The following ASCC3 variants were observed in gnomAD, a reference collection of about 807,000 sequenced individuals.
ASCC3 encodes ASC-1 complex subunit P200.
A neutral mutation model predicts 256.3 loss-of-function variants in ASCC3; 158 were observed. The ratio of observed to expected loss-of-function variants is 0.62; its 90% CI spans 0.54 to 0.70. The LOEUF (loss-of-function observed/expected upper bound fraction) is 0.70. ASCC3 is among the 30% of genes least tolerant of loss of function. The pLI is 0.00. For missense variants in ASCC3, 2,259 were observed against 2,626.0 expected, an observed-to-expected ratio of 0.86 and a Z score of 3.05; for synonymous variants, 948 against 883.4, an observed-to-expected ratio of 1.07 and a Z score of -1.30.
At chr6:100,581,267 T>C (rs1411433556) in intron 36 of ASCC3, among the ~76,000 whole-genome samples, 2 of 152,088 alleles carry the variant, frequency 1.3e-5, no homozygotes, top group African/African-American at 2.4e-5. Context: ...TTTTAATGAT[T>C]GCCATTCTAA....
intron 3 of ASCC3, among the ~76,000 whole-genome samples, chr6:100,851,101 T>C (rs1311849253): frequency 6.6e-6 from 1 of 152,108 alleles, no homozygotes; most frequent in Non-Finnish European, 1.5e-5. Context: ...TATCTCCATT[T>C]TATAGATGTT....
At position 100,872,690 on chromosome 6, in the gene ASCC3, C is replaced by A. The variant is rs115351849; in HGVS notation, c.-41-4652G>T. ...GTGCTGGTATCCATGACTGAGAGAC[C>A]CACAGACGGTTCACATCACAGGTCT... is the stretch of plus-strand genomic sequence containing the variant. On this transcript the variant is annotated intron_variant, in intron 1 of 41. Coordinates refer to ENST00000369162, the MANE Select transcript of ASCC3 (RefSeq NM_006828.4). Among the ~76,000 whole-genome samples, 605 of 152,216 alleles carry A rather than the reference C, an allele frequency of 4.0e-3. 5 individuals are homozygous for A. Among genetic ancestry groups the A allele is most frequent in the African/African-American group, 0.014 (579 of 41,514 alleles).
rs1312578054 is a variant in ASCC3, at chr6:100,800,409, A to G, written c.1018T>C (p.Tyr340His). ...SEQEKQLMKQ[Y>H]RREEKRIARR... The stretch of plus-strand genomic sequence containing the variant: ...GCAATTCTTTTTTCTTCACGTCGAT[A>G]TTGTTTCATTAACTGCTTTTCTTGT... The change falls in exon 6 of 42, where the codon TAT becomes CAT. Residue 340 changes from tyrosine to histidine, a missense_variant. Physicochemically the swap from Tyr to His is moderately conservative, Grantham distance 83. Coordinates refer to ENST00000369162, the MANE Select transcript of ASCC3 (RefSeq NM_006828.4). 2 of 1,612,574 alleles carry G rather than the reference A, an allele frequency of 1.2e-6. No homozygotes were observed. Among genetic ancestry groups the G allele is most frequent in the East Asian group, 2.2e-5 (1 of 44,780 alleles).
At chr6:100,813,098 GA>G (rs1490404158) in intron 4 of ASCC3, among the ~76,000 whole-genome samples, 37 of 152,062 alleles carry the variant, frequency 2.4e-4, no homozygotes, top group African/African-American at 8.9e-4. Context: ...AAAAAATTTT[GA>G]AAAAACAATA....
At chr6:100,562,590 C>T (rs547860261) in intron 36 of ASCC3, among the ~76,000 whole-genome samples, 2 of 151,948 alleles carry the variant, frequency 1.3e-5, no homozygotes, top group East Asian at 1.9e-4. Context: ...CTTTCAAGAA[C>T]GTAAGTTTAT....
At chr6:100,610,494 G>T (rs1476966898) in intron 30 of ASCC3, among the ~76,000 whole-genome samples, 1 of 151,546 alleles carries the variant, frequency 6.6e-6, no homozygotes, top group Non-Finnish European at 1.5e-5. Context: ...CCATAAAATA[G>T]GACAATAAAG....
At chr6:100,663,348 C>T (rs1776316727) in intron 14 of ASCC3, among the ~76,000 whole-genome samples, 1 of 152,066 alleles carries the variant, frequency 6.6e-6, no homozygotes, top group East Asian at 1.9e-4. Flanking sequence ...TTTTAAGTTA[C>T]ATGCTCTTCT....
At chr6:100,592,214 T>C (rs1409659027) in intron 34 of ASCC3, among the ~76,000 whole-genome samples, 1 of 151,682 alleles carries the variant, frequency 6.6e-6, no homozygotes, top group African/African-American at 2.4e-5. Context: ...CACTAAAATA[T>C]TATTCATAAT....
intron 36 of ASCC3, among the ~76,000 whole-genome samples, chr6:100,580,353 C>T (rs1771150965): frequency 6.6e-6 from 1 of 151,520 alleles, no homozygotes; most frequent in Admixed American, 6.6e-5. Flanking sequence ...AAGAAGGTAC[C>T]ATCAGTTAGG....
intron 25 of ASCC3, among the ~76,000 whole-genome samples, chr6:100,632,061 C>T (rs748504548): frequency 6.7e-6 from 1 of 148,780 alleles, no homozygotes; most frequent in Non-Finnish European, 1.5e-5. Context: ...AAATTAAGAA[C>T]AAGAAAACTC....
chr6:100,637,549 A>G (rs1175699362), intron 25 of ASCC3, among the ~76,000 whole-genome samples: 1 of 152,142 alleles, frequency 6.6e-6, no homozygotes, highest in Non-Finnish European at 1.5e-5. Context: ...ATGTTTCATA[A>G]GACCGTAGAT....
chr6:100,824,505 T>C (rs766744759), intron 4 of ASCC3, among the ~76,000 whole-genome samples: 3 of 152,244 alleles, frequency 2.0e-5, no homozygotes, highest in Non-Finnish European at 4.4e-5. Flanking sequence ...GACATCCTTA[T>C]CGCTTCTCAG....
At chr6:100,624,827 T>C (rs1774147432) in intron 30 of ASCC3, among the ~76,000 whole-genome samples, 1 of 151,880 alleles carries the variant, frequency 6.6e-6, no homozygotes, top group Non-Finnish European at 1.5e-5. Context: ...AGGTTTTAAA[T>C]TTTTATATAT....
Position 100,803,480 on chromosome 6 carries a change from C to T in ASCC3, c.922+2280G>A, listed in dbSNP as rs75863332. 0.013 allele frequency among the ~76,000 whole-genome samples: 1,933 copies of T among 152,212 alleles called. 99 individuals carry two copies. The East Asian group carries it at 0.15, about 12-fold the overall frequency. ...TCACCTTCTGCCAAGTTGCCTGAGG[C>T]CTCCAGCCATGTGGAACTGTGAGCC... On this transcript the variant is annotated intron_variant, in intron 5 of 41. Coordinates refer to ENST00000369162, the MANE Select transcript of ASCC3 (RefSeq NM_006828.4).
chr6:100,696,622 C>T (rs541107306), intron 13 of ASCC3, among the ~76,000 whole-genome samples: 1 of 151,916 alleles, frequency 6.6e-6, no homozygotes, highest in East Asian at 1.9e-4. Context: ...GTAAAATACT[C>T]CCAATGGATG....
At chr6:100,676,900 T>C (rs1777050254) in intron 14 of ASCC3, among the ~76,000 whole-genome samples, 2 of 152,188 alleles carry the variant, frequency 1.3e-5, no homozygotes, top group South Asian at 4.1e-4. Flanking sequence ...ATTGAGGTGA[T>C]TACATTAAAC....
intron 36 of ASCC3, among the ~76,000 whole-genome samples, chr6:100,580,449 T>G (rs1418150412): frequency 6.6e-6 from 1 of 151,982 alleles, no homozygotes; most frequent in African/African-American, 2.4e-5. Context: ...TTTAGAAATG[T>G]TTGGTAAAAG....
chr6:100,690,444 C>G (rs1042163622), intron 13 of ASCC3, among the ~76,000 whole-genome samples: 1 of 152,028 alleles, frequency 6.6e-6, no homozygotes, highest in African/African-American at 2.4e-5. Context: ...AAAATTGACA[C>G]TACTACATTT....
At position 100,728,392 on chromosome 6, in the gene ASCC3, T is replaced by A. The variant is rs926119227; in HGVS notation, c.1738-2689A>T. Among the ~76,000 whole-genome samples the A allele has an allele frequency of 2.6e-5, 4 of 151,962 alleles. No individual in the cohort carries two copies. In the East Asian group the frequency reaches 7.7e-4, roughly 29 times the overall value. On this transcript the variant is annotated intron_variant, in intron 10 of 41. Transcript: ENST00000369162. ...AACTAGAACTCTCCTAAAGTAACGG[T>A]GGAATATAAACTTATACAATCACTT...
Sources: gnomAD v4.1 joint callset for allele counts (sites outside exome capture counted in the v4.1 genomes callset) on GRCh38, gnomAD v4.1.1 for gene constraint, MANE v1.5 for transcripts, NCBI Gene and HGNC (gene_info 2026-07-23, HGNC 2026-07-21) for gene names.